The following STS variants were observed in gnomAD, a reference collection of about 807,000 sequenced individuals.
STS encodes the protein steroid sulfatase.
STS carries 7 observed loss-of-function variants against 26.8 expected under a neutral mutation model. That is an observed-to-expected ratio of 0.26 (90% CI 0.15 to 0.49). The LOEUF (loss-of-function observed/expected upper bound fraction) is 0.49. Among genes scored for constraint, STS ranks in the 20% least tolerant of loss-of-function variants. The probability of loss-of-function intolerance (pLI) is 0.98; values close to 1 mark genes in which losing one functional copy is unlikely to be tolerated. For missense variants in STS, 434 were observed against 465.6 expected (o/e 0.93, Z 0.63); for synonymous variants, 199 against 189.4 (o/e 1.05, Z -0.42).
intron 10 of STS, among the ~76,000 whole-genome samples, chrX:7,345,559 C>T (rs1165215867): frequency 9.0e-6 from 1 of 110,903 alleles, no homozygotes; most frequent in Admixed American, 9.6e-5. Flanking sequence ...TTTCTTCAGA[C>T]CCCCAGTAAA....
At chrX:7,242,875 T>C (rs1922688731) in intron 2 of STS, among the ~76,000 whole-genome samples, 1 of 111,477 alleles carries the variant, frequency 9.0e-6, no homozygotes, top group Non-Finnish European at 1.9e-5. Context: ...GGTGACTGTG[T>C]GTCTCATACA....
intron 2 of STS, among the ~76,000 whole-genome samples, chrX:7,247,734 G>A (rs1922952699): frequency 1.8e-5 from 2 of 111,737 alleles, no homozygotes; most frequent in Admixed American, 9.5e-5. Context: ...TCATAACTGA[G>A]GGGAGTTATA....
At chrX:7,261,154 ACT>A (rs1345285595) in intron 6 of STS, among the ~76,000 whole-genome samples, 3 of 111,926 alleles carry the variant, frequency 2.7e-5, no homozygotes, top group African/African-American at 9.7e-5. Flanking sequence ...GGAGAACAGG[ACT>A]CTAAAGAGAA....
chrX:7,178,968 CCTT>C (rs1331515294), intron 1 of STS, among the ~76,000 whole-genome samples: 1 of 106,047 alleles, frequency 9.4e-6, no homozygotes, highest in Admixed American at 1.0e-4. Flanking sequence ...CTCTCTCTGT[CCTT>C]CTCTCTCTGT....
chrX:7,261,790 A>T (rs1486866935), intron 6 of STS, among the ~76,000 whole-genome samples: 1 of 112,238 alleles, frequency 8.9e-6, no homozygotes, highest in African/African-American at 3.2e-5. Context: ...TGTTTCATCA[A>T]CTCTGACAGA....
At chrX:7,164,314 G>A (rs1053178543) in intron 1 of STS, among the ~76,000 whole-genome samples, 9 of 112,136 alleles carry the variant, frequency 8.0e-5, no homozygotes, top group Non-Finnish European at 3.8e-5. Context: ...AAGTGGAAAA[G>A]GGTTCATTCT....
At chrX:7,255,946 C>T (rs1466992869) in intron 3 of STS, among the ~76,000 whole-genome samples, 2 of 112,333 alleles carry the variant, frequency 1.8e-5, no homozygotes, top group Non-Finnish European at 3.8e-5. Flanking sequence ...TGTATACTCC[C>T]ACCCTACAGG....
chrX:7,204,566 T>TCTTCCTTTC (rs1934155209), intron 2 of STS, among the ~76,000 whole-genome samples: 1 of 94,861 alleles, frequency 1.1e-5, no homozygotes, highest in Non-Finnish European at 2.1e-5. Flanking sequence ...CCCTTCCTTT[T>TCTTCCTTTC]CTTCCTTTCC....
At chrX:7,308,749 A>C (rs910618481) in intron 8 of STS, among the ~76,000 whole-genome samples, 3 of 112,133 alleles carry the variant, frequency 2.7e-5, no homozygotes, top group Non-Finnish European at 5.6e-5. Flanking sequence ...ACTTATTTGA[A>C]ATCAAGTTCA....
chrX:7,255,723 TA>T (rs1452437414), intron 3 of STS, among the ~76,000 whole-genome samples: 2 of 112,525 alleles, frequency 1.8e-5, no homozygotes, highest in African/African-American at 6.5e-5. Context: ...AATTCAAATG[TA>T]AAAACAGTCT....
chrX:7,269,077 G>A (rs776684812), intron 6 of STS, among the ~76,000 whole-genome samples: 2 of 103,799 alleles, frequency 1.9e-5, no homozygotes, highest in African/African-American at 3.5e-5. Flanking sequence ...CTTAAGCCCC[G>A]GAGTTGTAGG....
Position 7,350,695 on chromosome X carries a change from C to A in STS, c.*434C>A, listed in dbSNP as rs1329049187. 8.0e-6 allele frequency: 1 copy of A among 125,195 alleles called. No homozygotes were observed. Among genetic ancestry groups the A allele is most frequent in the African/African-American group, 3.2e-5 (1 of 31,402 alleles). The allele number at this position is 125,195 out of a possible 1,213,427, so 10.3% of individuals were successfully genotyped here. A position where few individuals can be genotyped will look rare whatever the true frequency, so the allele number is the denominator to read the frequency against. On this transcript the variant is annotated 3_prime_UTR_variant, in exon 11 of 11. Transcript: ENST00000674429. ...TCTATAATCTGCAGTGATGCAATAA[C>A]CAGCATAATAAAAAGGCAATCACAT... is the stretch of plus-strand genomic sequence containing the variant.
chrX:7,242,793 C>T (rs1489327320), intron 2 of STS, among the ~76,000 whole-genome samples: 1 of 111,646 alleles, frequency 9.0e-6, no homozygotes, highest in Non-Finnish European at 1.9e-5. Flanking sequence ...AACTGCAGTT[C>T]TGACTCCACT....
In STS at chrX:7,202,576, A is replaced by G. The variant is rs1290007566; in HGVS notation, c.-5+11568A>G. 3.6e-5 allele frequency among the ~76,000 whole-genome samples: 4 copies of G among 111,551 alleles called. No homozygotes were observed. The Admixed American group carries it at 3.8e-4, about 11-fold the overall frequency. ...GAACTGTTGTAATTTTCTTATCTTC[A>G]TTTAGAAATTAAGTATGGTTTAAGG... On this transcript the variant is annotated intron_variant, in intron 2 of 10. Transcript: ENST00000674429.
intron 7 of STS, among the ~76,000 whole-genome samples, chrX:7,293,960 A>T (rs1233339248): frequency 9.0e-6 from 1 of 111,451 alleles, no homozygotes; most frequent in African/African-American, 3.3e-5. Flanking sequence ...CATCTCTAAA[A>T]TAAATTTAAA....
intron 2 of STS, among the ~76,000 whole-genome samples, chrX:7,203,944 C>G (rs1391814574): frequency 2.1e-4 from 23 of 110,653 alleles, no homozygotes; most frequent in African/African-American, 7.3e-4. Flanking sequence ...TCTACCACGC[C>G]CAGATAATTT....
intron 2 of STS, among the ~76,000 whole-genome samples, chrX:7,209,510 T>C (rs1316910009): frequency 9.8e-6 from 1 of 101,951 alleles, no homozygotes; most frequent in East Asian, 2.9e-4. Flanking sequence ...TGATTAAAAA[T>C]GAAAAAAATT....
At chrX:7,223,994 A>G (rs1921691522) in intron 2 of STS, among the ~76,000 whole-genome samples, 1 of 111,128 alleles carries the variant, frequency 9.0e-6, no homozygotes, top group Non-Finnish European at 1.9e-5. Context: ...AAAGAGAAGG[A>G]GAAAGGAAAA....
At chrX:7,279,536 T>C (rs1014431754) in intron 7 of STS, among the ~76,000 whole-genome samples, 4 of 107,331 alleles carry the variant, frequency 3.7e-5, no homozygotes, top group African/African-American at 1.4e-4. Flanking sequence ...GGGAGAATTA[T>C]TGGATACAGG....
Sources: allele counts gnomAD v4.1 joint callset (sites outside exome capture counted in the v4.1 genomes callset), GRCh38; gene constraint gnomAD v4.1.1; transcripts MANE v1.5; gene names NCBI Gene and HGNC (gene_info 2026-07-23, HGNC 2026-07-21).